TMEM178B: variants seen among roughly 807,000 people sequenced by gnomAD.
The protein encoded by TMEM178B is transmembrane protein 178B.
In TMEM178B, 5 loss-of-function variants were observed where a neutral mutation model predicts 31.0. That is an observed-to-expected ratio of 0.16 (90% CI 0.08 to 0.34). TMEM178B has a LOEUF of 0.34. Among genes scored for constraint, TMEM178B ranks in the 10% least tolerant of loss-of-function variants. TMEM178B has a pLI of 1.00. For synonymous variants in TMEM178B, 164 were observed against 164.0 expected (o/e 1.00, Z 0.00); for missense variants, 275 against 400.3 (o/e 0.69, Z 2.67).
At chr7:141,132,036 A>C (rs1795603318) in intron 1 of TMEM178B, among the ~76,000 whole-genome samples, 1 of 152,054 alleles carries the variant, frequency 6.6e-6, no homozygotes, top group Admixed American at 6.5e-5. Flanking sequence ...CTTTTATATA[A>C]TTTCACTCCT....
At chr7:141,424,669 C>T (rs866702975) in intron 2 of TMEM178B, among the ~76,000 whole-genome samples, 2 of 152,078 alleles carry the variant, frequency 1.3e-5, no homozygotes, top group South Asian at 4.1e-4. Context: ...TATCACAACC[C>T]AAAAAAGCCT....
Position 141,475,799 on chromosome 7 carries a change from T to C in TMEM178B, c.*5013T>C, listed in dbSNP as rs1221622130. On this transcript the variant is annotated 3_prime_UTR_variant, in exon 4 of 4. Transcript: ENST00000565468. ...CTTCCTTTTCTTTCCTTTTTTTTTT[T>C]GGTCAGTTGCCATCTCAATCTAATC... 1 of 151,154 alleles carries C rather than the reference T, an allele frequency of 6.6e-6. No individual in the cohort carries two copies. Among genetic ancestry groups the C allele is most frequent in the East Asian group, 1.9e-4 (1 of 5,200 alleles). 9.4% of individuals were successfully genotyped at this position (151,154 alleles called of 1,614,324 possible). A position where few individuals can be genotyped will look rare whatever the true frequency, so the allele number is the denominator to read the frequency against.
chr7:141,296,073 A>C (rs1287527373), intron 2 of TMEM178B, among the ~76,000 whole-genome samples: 1 of 150,918 alleles, frequency 6.6e-6, no homozygotes, highest in Non-Finnish European at 1.5e-5. Flanking sequence ...GGGAAGCAGT[A>C]CTTTTTTTTT....
intron 2 of TMEM178B, among the ~76,000 whole-genome samples, chr7:141,370,187 C>T (rs745504745): frequency 3.3e-5 from 5 of 151,800 alleles, no homozygotes; most frequent in Non-Finnish European, 7.4e-5. Flanking sequence ...AGGAATGGAA[C>T]GTTGCAGAGA....
In TMEM178B at chr7:141,470,784, T is replaced by TA. The variant is rs1802225467; in HGVS notation, c.*4dup. 2 of 1,485,006 alleles carry TA rather than the reference T, an allele frequency of 1.3e-6. No homozygotes were observed. Among genetic ancestry groups the TA allele is most frequent in the African/African-American group, 2.8e-5 (2 of 70,964 alleles). The allele number at this position is 1,485,006 out of a possible 1,614,324, so 92.0% of individuals were successfully genotyped here. A position where few individuals can be genotyped will look rare whatever the true frequency, so the allele number is the denominator to read the frequency against. ...KSRPENGTVC[*] ...CAGACCCGAGAATGGGACAGTGTGCTAAAAAACAAACCCATACATACATAT... is the reference window on the plus strand; with the variant it reads ...CAGACCCGAGAATGGGACAGTGTGCTAAAAAAACAAACCCATACATACATAT... Residue 295 remains the stop codon, a frameshift_variant and stop_retained_variant, in exon 4 of 4, where the codon TAA becomes TAAA. Transcript: ENST00000565468. LOFTEE classifies it high-confidence loss of function.
chr7:141,278,606 A>G (rs187672794), intron 2 of TMEM178B, among the ~76,000 whole-genome samples: 6 of 152,228 alleles, frequency 3.9e-5, no homozygotes, highest in Non-Finnish European at 7.4e-5. Context: ...ATAAAAAAAT[A>G]AAAAATAAAG....
chr7:141,343,633 T>C lies in TMEM178B; in HGVS notation c.497-93975T>C, dbSNP rs142309996. Among the ~76,000 whole-genome samples the C allele has an allele frequency of 1.3e-3, 196 of 146,072 alleles. 2 individuals are homozygous for C. The highest frequency in any genetic ancestry group is 7.0e-3 in the Middle Eastern group (2 of 286). ...GGTGCAATCTCGGCTCACTGCAAGCTCCACCCCACCGGGTTACACCATTCT... is the reference window on the plus strand; with the variant it reads ...GGTGCAATCTCGGCTCACTGCAAGCCCCACCCCACCGGGTTACACCATTCT... On this transcript the variant is annotated intron_variant, in intron 2 of 3. Coordinates refer to ENST00000565468, the MANE Select transcript of TMEM178B (RefSeq NM_001195278.2).
rs1798429712 is a variant in TMEM178B, at chr7:141,285,208, T to C, written c.496+72504T>C. On this transcript the variant is annotated intron_variant, in intron 2 of 3. Coordinates refer to ENST00000565468, the MANE Select transcript of TMEM178B (RefSeq NM_001195278.2). ...CGTAGTCTCGCTTTGTCGAGTGCAGTGGCATGATCTCGGCTCACTTCAAGC... is the reference window on the plus strand; with the variant it reads ...CGTAGTCTCGCTTTGTCGAGTGCAGCGGCATGATCTCGGCTCACTTCAAGC... 1.5e-5 allele frequency among the ~76,000 whole-genome samples: 2 copies of C among 131,834 alleles called. 1 individual carries two copies. Among genetic ancestry groups the C allele is most frequent in the Admixed American group, 1.9e-4 (2 of 10,490 alleles). 86.5% of individuals were successfully genotyped at this position (131,834 alleles called of 152,430 possible).
chr7:141,390,667 A>G (rs1170821846), intron 2 of TMEM178B, among the ~76,000 whole-genome samples: 1 of 152,240 alleles, frequency 6.6e-6, no homozygotes, highest in Non-Finnish European at 1.5e-5. Flanking sequence ...GTGATTAGAC[A>G]TTTTAGACAT....
intron 3 of TMEM178B, among the ~76,000 whole-genome samples, chr7:141,453,189 T>A (rs1586970812): frequency 6.6e-6 from 1 of 152,392 alleles, no homozygotes; most frequent in Non-Finnish European, 1.5e-5. Flanking sequence ...TGGACAGTAG[T>A]GATCTAGTCA....
chr7:141,229,631 G>T (rs569913237), intron 2 of TMEM178B, among the ~76,000 whole-genome samples: 1 of 151,932 alleles, frequency 6.6e-6, no homozygotes, highest in African/African-American at 2.4e-5. Flanking sequence ...TAATCAATAG[G>T]CAAATTACAG....
At chr7:141,297,292 C>A (rs1007726355) in intron 2 of TMEM178B, among the ~76,000 whole-genome samples, 3 of 152,142 alleles carry the variant, frequency 2.0e-5, no homozygotes, top group South Asian at 2.1e-4. Context: ...TTCAGGAGCC[C>A]AAGCAGTGTT....
At chr7:141,419,780 T>C (rs1563177764) in intron 2 of TMEM178B, among the ~76,000 whole-genome samples, 1 of 152,238 alleles carries the variant, frequency 6.6e-6, no homozygotes, top group Non-Finnish European at 1.5e-5. Flanking sequence ...AATTGGAACA[T>C]GTATTTATTC....
At chr7:141,167,981 A>G (rs1028467226) in intron 1 of TMEM178B, among the ~76,000 whole-genome samples, 2 of 152,094 alleles carry the variant, frequency 1.3e-5, no homozygotes, top group African/African-American at 4.8e-5. Context: ...TAGCTCCAAC[A>G]TTTATTGTGA....
intron 1 of TMEM178B, among the ~76,000 whole-genome samples, chr7:141,163,737 C>T (rs564422074): frequency 3.7e-4 from 56 of 152,066 alleles, no homozygotes; most frequent in Non-Finnish European, 7.2e-4. Context: ...TGGCTTTGAA[C>T]TTCTGACCTC....
At chr7:141,236,926 C>G (rs2129192659) in intron 2 of TMEM178B, among the ~76,000 whole-genome samples, 1 of 152,160 alleles carries the variant, frequency 6.6e-6, no homozygotes, top group South Asian at 2.1e-4. Context: ...ATTAACTTTC[C>G]AAATATGGTA....
chr7:141,337,197 TCACCAC>T (rs1799432283), intron 2 of TMEM178B, among the ~76,000 whole-genome samples: 1 of 19,076 alleles, frequency 5.2e-5, no homozygotes, highest in African/African-American at 2.7e-4. Flanking sequence ...ACCACCACCA[TCACCAC>T]CACCACCATC....
chr7:141,155,243 A>G (rs533042205), intron 1 of TMEM178B, among the ~76,000 whole-genome samples: 2 of 152,320 alleles, frequency 1.3e-5, no homozygotes, highest in Admixed American at 6.5e-5. Context: ...TAGAGATCAC[A>G]TTAGGCACAT....
intron 2 of TMEM178B, among the ~76,000 whole-genome samples, chr7:141,326,738 A>G (rs1799196778): frequency 6.6e-6 from 1 of 152,224 alleles, no homozygotes; most frequent in African/African-American, 2.4e-5. Context: ...ACAAAGCCTG[A>G]AATGCTTACT....
Sources: allele counts gnomAD v4.1 joint callset (sites outside exome capture counted in the v4.1 genomes callset), GRCh38; gene constraint gnomAD v4.1.1; transcripts MANE v1.5; gene names NCBI Gene and HGNC (gene_info 2026-07-23, HGNC 2026-07-21).